The following DHRSX variants were observed in gnomAD, a reference collection of about 807,000 sequenced individuals.
The protein encoded by DHRSX is polyprenol dehydrogenase.
Under a neutral mutation model 34.0 loss-of-function variants are expected in DHRSX, and 31 were observed. The observed-to-expected ratio is 0.91, with a 90% CI of 0.69 to 1.23. The LOEUF (loss-of-function observed/expected upper bound fraction) is 1.23. DHRSX is among the 50% of genes most tolerant of loss of function. DHRSX has a pLI of 0.00. For synonymous variants in DHRSX, 201 were observed against 183.8 expected, an observed-to-expected ratio of 1.09 and a Z score of -0.76; for missense variants, 414 against 428.1, an observed-to-expected ratio of 0.97 and a Z score of 0.29.
At chrX:2,490,602 G>T (rs762336805) in intron 1 of DHRSX, 1 of 1,613,890 alleles carries the variant, frequency 6.2e-7, no homozygotes, top group Non-Finnish European at 8.5e-7. Flanking sequence ...TTCCACTGCA[G>T]GATGCATCCC....
At chrX:2,499,786 T>C (rs1199165989) in intron 1 of DHRSX, among the ~76,000 whole-genome samples, 1 of 152,168 alleles carries the variant, frequency 6.6e-6, no homozygotes, top group South Asian at 2.1e-4. Context: ...GGCTCACACC[T>C]GTAATCCCAA....
At chrX:2,419,562 C>T (rs1341358514) in intron 2 of DHRSX, among the ~76,000 whole-genome samples, 1 of 151,936 alleles carries the variant, frequency 6.6e-6, no homozygotes, top group East Asian at 1.9e-4. Context: ...AGACTTGGAA[C>T]CAACCTAAAT....
chrX:2,244,058 A>G (rs1335227029), intron 5 of DHRSX, among the ~76,000 whole-genome samples: 2 of 152,004 alleles, frequency 1.3e-5, no homozygotes, highest in Non-Finnish European at 2.9e-5. Context: ...GGCATGAGCC[A>G]CCGCGCCTGG....
intron 5 of DHRSX, among the ~76,000 whole-genome samples, chrX:2,258,482 G>A (rs1191355277): frequency 1.4e-5 from 2 of 146,224 alleles, no homozygotes; most frequent in African/African-American, 2.5e-5. Context: ...CCTCATAAGA[G>A]GAGGAGATGA....
intron 3 of DHRSX, among the ~76,000 whole-genome samples, chrX:2,394,187 G>A (rs1329070222): frequency 7.2e-5 from 11 of 152,190 alleles, no homozygotes; most frequent in African/African-American, 2.4e-4. Flanking sequence ...GAGCAGACAG[G>A]GCGCCGGAGG....
In DHRSX at chrX:2,415,640, A is replaced by T. The variant is rs145337717; in HGVS notation, c.218-6827T>A. Reference sequence around the variant, plus strand: ...TCATACCCTAACCCAACTAGACCTCATCATGACCTAACCCAACTAAACCTC... The same window carrying T: ...TCATACCCTAACCCAACTAGACCTCTTCATGACCTAACCCAACTAAACCTC... On this transcript the variant is annotated intron_variant, in intron 2 of 6. Transcript: ENST00000334651. 2.3e-3 allele frequency among the ~76,000 whole-genome samples: 343 copies of T among 151,836 alleles called. 8 individuals are homozygous for T. The East Asian group carries it at 0.056, about 25-fold the overall frequency.
intron 3 of DHRSX, among the ~76,000 whole-genome samples, chrX:2,365,663 C>A (rs1276896569): frequency 6.6e-6 from 1 of 152,126 alleles, no homozygotes; most frequent in Non-Finnish European, 1.5e-5. Flanking sequence ...CATGCTTTCA[C>A]AGGTATGCAG....
intron 6 of DHRSX, among the ~76,000 whole-genome samples, chrX:2,229,671 ATATG>A (rs1044022687): frequency 3.9e-5 from 6 of 152,170 alleles, no homozygotes; most frequent in East Asian, 1.9e-4. Context: ...ATGTATATGT[ATATG>A]TATGTGCACG....
chrX:2,402,186 G>A (rs1054157862), intron 3 of DHRSX, among the ~76,000 whole-genome samples: 1 of 152,184 alleles, frequency 6.6e-6, no homozygotes, highest in African/African-American at 2.4e-5. Flanking sequence ...GAGCCGACTT[G>A]CTTAAAAATA....
At chrX:2,449,887 C>A (rs1251216406) in intron 1 of DHRSX, among the ~76,000 whole-genome samples, 1 of 152,122 alleles carries the variant, frequency 6.6e-6, no homozygotes, top group African/African-American at 2.4e-5. Flanking sequence ...AGCGATCCAC[C>A]GGCCTAAAGT....
chrX:2,267,011 GGATTCCCCA>G, intron 4 of DHRSX, 64 bp from the exon 5 acceptor site: 1 of 1,549,394 alleles, frequency 6.5e-7, no homozygotes, highest in Non-Finnish European at 8.9e-7. Flanking sequence ...TCTCACAGAT[GGATTCCCCA>G]GATGCGCAAA....
Position 2,432,182 on chromosome X carries a change from A to G in DHRSX, c.110-6878T>C, listed in dbSNP as rs2043934972. On this transcript the variant is annotated intron_variant, in intron 1 of 6. Coordinates refer to ENST00000334651, the MANE Select transcript of DHRSX (RefSeq NM_145177.3). ...GCACTCCAGCCAGGGCGACAGAGCC[A>G]GACTCCGTCTCAAAAAAAAAATTTT... 2.6e-5 allele frequency among the ~76,000 whole-genome samples: 4 copies of G among 152,222 alleles called. No homozygotes were observed. The South Asian group carries it at 8.3e-4, about 32-fold the overall frequency.
intron 3 of DHRSX, among the ~76,000 whole-genome samples, chrX:2,361,114 TAA>T (rs1194930321): frequency 6.6e-6 from 1 of 152,122 alleles, no homozygotes; most frequent in Non-Finnish European, 1.5e-5. Flanking sequence ...CACATTATCA[TAA>T]AAGTTTGTTT....
intron 5 of DHRSX, among the ~76,000 whole-genome samples, chrX:2,243,786 C>CTGTTTTTTTTTTT (rs2016202961): frequency 3.6e-4 from 9 of 25,138 alleles, no homozygotes; most frequent in Non-Finnish European, 9.7e-4. Context: ...ACTATGCTCC[C>CTGTTTTTTTTTTT]TGTTTTTTTT....
intron 1 of DHRSX, chrX:2,486,546 C>G (rs1172983312): frequency 6.6e-6 from 1 of 152,192 alleles, no homozygotes. Context: ...AGAGCCGGGA[C>G]AGTTCACATT....
At chrX:2,452,595 G>T (rs2044239366) in intron 1 of DHRSX, among the ~76,000 whole-genome samples, 1 of 151,866 alleles carries the variant, frequency 6.6e-6, no homozygotes, top group Admixed American at 6.6e-5. Context: ...TAAGCATGTG[G>T]CCAATGGACC....
chrX:2,220,964 C>A lies in DHRSX; in HGVS notation c.*77G>T, dbSNP rs34637935. ...AGGTGGGTGTGAGAAACTCAAACAC[C>A]GCAGTCTTCACAGACCCACAAGCTA... is the stretch of plus-strand genomic sequence containing the variant. On this transcript the variant is annotated 3_prime_UTR_variant, in exon 7 of 7. Coordinates refer to ENST00000334651, the MANE Select transcript of DHRSX (RefSeq NM_145177.3). 3.5e-6 allele frequency: 5 copies of A among 1,447,420 alleles called. No homozygotes were observed. The African/African-American group carries it at 5.6e-5, about 16-fold the overall frequency. The allele number at this position is 1,447,420 out of a possible 1,614,324, so 89.7% of individuals were successfully genotyped here. A position where few individuals can be genotyped will look rare whatever the true frequency, so the allele number is the denominator to read the frequency against.
At chrX:2,432,297 T>A (rs752475528) in intron 1 of DHRSX, among the ~76,000 whole-genome samples, 1 of 152,238 alleles carries the variant, frequency 6.6e-6, no homozygotes, top group East Asian at 1.9e-4. Context: ...CCCAAGTCAA[T>A]ATGCAAATTT....
At position 2,462,686 on chromosome X, in the gene DHRSX, T is replaced by C. The variant is rs192015513; in HGVS notation, c.110-37382A>G. 4.1e-3 allele frequency among the ~76,000 whole-genome samples: 627 copies of C among 152,248 alleles called. 2 individuals are homozygous for C. Among genetic ancestry groups the C allele is most frequent in the Admixed American group, 6.0e-3 (92 of 15,276 alleles). On this transcript the variant is annotated intron_variant, in intron 1 of 6. Coordinates refer to ENST00000334651, the MANE Select transcript of DHRSX (RefSeq NM_145177.3). ...CCCCAGGTACTGCAAACCACCTATA[T>C]TTTGCCATGACCAGGAATTTTTTAT...
Sources: gnomAD v4.1 joint callset for allele counts (sites outside exome capture counted in the v4.1 genomes callset) on GRCh38, gnomAD v4.1.1 for gene constraint, MANE v1.5 for transcripts, NCBI Gene and HGNC (gene_info 2026-07-23, HGNC 2026-07-21) for gene names.